Variants in COMMD10 observed in about 807,000 individuals in gnomAD.
COMMD10 encodes the protein COMM domain-containing protein 10.
A neutral mutation model predicts 28.9 loss-of-function variants in COMMD10; 33 were observed. The ratio of observed to expected loss-of-function variants is 1.14; its 90% CI spans 0.87 to 1.53. COMMD10 has a LOEUF of 1.53. Among genes scored for constraint, COMMD10 ranks in the 40% most tolerant of loss-of-function variants. The probability of loss-of-function intolerance (pLI) is 0.00; values close to 1 mark genes in which losing one functional copy is unlikely to be tolerated. For missense variants in COMMD10, 310 were observed against 233.4 expected (o/e 1.33, Z -2.14); for synonymous variants, 110 against 81.7 (o/e 1.35, Z -1.87).
Position 116,140,231 on chromosome 5 carries a change from A to ATGTGTGTGTGTGTGTGTGTGTGTGTG in COMMD10, c.510+6078_510+6079insGTGTGTGTGTGTGTGTGTGTGTGTGT, listed in dbSNP as rs3072964. ...TTTTTCAAGGCTGACTCATACTACT[A>ATGTGTGTGTGTGTGTGTGTGTGTGTG]TGTGTGTGTGTGTGTGTGTGTGTGT... is the stretch of plus-strand genomic sequence containing the variant. On this transcript the variant is annotated intron_variant, in intron 5 of 6. Transcript: ENST00000274458. Among the ~76,000 whole-genome samples the ATGTGTGTGTGTGTGTGTGTGTGTGTG allele has an allele frequency of 5.0e-3, 731 of 147,058 alleles. 13 individuals are homozygous for ATGTGTGTGTGTGTGTGTGTGTGTGTG. The highest frequency in any genetic ancestry group is 0.017 in the African/African-American group (692 of 39,708).
intron 5 of COMMD10, among the ~76,000 whole-genome samples, chr5:116,269,315 G>A (rs1398058275): frequency 6.6e-6 from 1 of 151,838 alleles, no homozygotes; most frequent in Non-Finnish European, 1.5e-5. Context: ...TAAGGGGAAA[G>A]CTAATCCACT....
chr5:116,143,276 A>G (rs891454679), intron 5 of COMMD10, among the ~76,000 whole-genome samples: 1 of 151,642 alleles, frequency 6.6e-6, no homozygotes, highest in African/African-American at 2.4e-5. Flanking sequence ...ATAAGATTTT[A>G]TAAGCTAACA....
At chr5:116,232,187 A>G (rs1365226746) in intron 5 of COMMD10, among the ~76,000 whole-genome samples, 2 of 152,118 alleles carry the variant, frequency 1.3e-5, no homozygotes, top group Non-Finnish European at 2.9e-5. Context: ...ATTTGGGTTT[A>G]TTGTTTATCC....
In COMMD10 at chr5:116,174,665, A is replaced by G. The variant is rs1206909829; in HGVS notation, c.510+40487A>G. ...TTGTTGGTTAGATACAAAGTGTGAGATAAAGTGAGTCATTAAAGATAACCC... is the reference window on the plus strand; with the variant it reads ...TTGTTGGTTAGATACAAAGTGTGAGGTAAAGTGAGTCATTAAAGATAACCC... On this transcript the variant is annotated intron_variant, in intron 5 of 6. Coordinates refer to ENST00000274458, the MANE Select transcript of COMMD10 (RefSeq NM_016144.4). 2.6e-5 allele frequency among the ~76,000 whole-genome samples: 4 copies of G among 152,276 alleles called. No homozygotes were observed. The East Asian group carries it at 7.8e-4, about 30-fold the overall frequency.
Position 116,292,638 on chromosome 5 carries a change from A to T in COMMD10, c.*149A>T, listed in dbSNP as rs1751399715. 1 of 513,084 alleles carries T rather than the reference A, an allele frequency of 1.9e-6. No individual in the cohort carries two copies. Among genetic ancestry groups the T allele is most frequent in the Non-Finnish European group, 3.4e-6 (1 of 294,228 alleles). The allele number at this position is 513,084 out of a possible 1,614,324, so 31.8% of individuals were successfully genotyped here. The stretch of plus-strand genomic sequence containing the variant: ...ATCACTTCTTAGACAAATAACAACC[A>T]ATAGAGATCATTGTTAAGAATACTG... On this transcript the variant is annotated 3_prime_UTR_variant, in exon 7 of 7. Coordinates refer to ENST00000274458, the MANE Select transcript of COMMD10 (RefSeq NM_016144.4).
chr5:116,095,601 A>T (rs186978689), intron 4 of COMMD10, among the ~76,000 whole-genome samples: 33 of 152,112 alleles, frequency 2.2e-4, no homozygotes, highest in Admixed American at 1.5e-3. Context: ...TCTTAACAGT[A>T]TCTTTCCCAG....
At chr5:116,181,644 A>T (rs886870310) in intron 5 of COMMD10, among the ~76,000 whole-genome samples, 1 of 151,904 alleles carries the variant, frequency 6.6e-6, no homozygotes, top group East Asian at 1.9e-4. Flanking sequence ...AATGTGCAGG[A>T]TGCTTCTGGT....
chr5:116,170,760 T>A (rs1391091903), intron 5 of COMMD10, among the ~76,000 whole-genome samples: 2 of 152,332 alleles, frequency 1.3e-5, no homozygotes, highest in East Asian at 3.9e-4. Context: ...TAATAAATTA[T>A]GTTAGGAAAA....
At chr5:116,185,403 G>C (rs1748104374) in intron 5 of COMMD10, among the ~76,000 whole-genome samples, 1 of 152,104 alleles carries the variant, frequency 6.6e-6, no homozygotes, top group South Asian at 2.1e-4. Flanking sequence ...TTCTGTGCAA[G>C]ATATTGATTG....
chr5:116,214,723 A>T (rs1749054886), intron 5 of COMMD10, among the ~76,000 whole-genome samples: 1 of 151,998 alleles, frequency 6.6e-6, no homozygotes, highest in Admixed American at 6.6e-5. Flanking sequence ...TTATGGCCTC[A>T]ATTTTGGGAC....
chr5:116,208,908 A>T (rs1403449852), intron 5 of COMMD10, among the ~76,000 whole-genome samples: 1 of 152,168 alleles, frequency 6.6e-6, no homozygotes, highest in African/African-American at 2.4e-5. Flanking sequence ...CTGTTTATCC[A>T]TTGTAATTAT....
chr5:116,124,702 C>CT (rs1230243659), intron 4 of COMMD10, among the ~76,000 whole-genome samples: 4 of 152,226 alleles, frequency 2.6e-5, no homozygotes, highest in Admixed American at 1.3e-4. Flanking sequence ...GTATGGGAGT[C>CT]TAAGTCTCTT....
intron 5 of COMMD10, among the ~76,000 whole-genome samples, chr5:116,214,226 G>A (rs1009449468): frequency 5.9e-5 from 9 of 152,024 alleles, no homozygotes; most frequent in South Asian, 2.1e-4. Context: ...AATGAACAAG[G>A]GAAGAAATAG....
intron 5 of COMMD10, among the ~76,000 whole-genome samples, chr5:116,275,642 C>T (rs954824091): frequency 1.3e-5 from 2 of 151,756 alleles, no homozygotes; most frequent in African/African-American, 4.9e-5. Context: ...GTCTCAATAT[C>T]CATAAAATAC....
chr5:116,094,009 T>TA lies in COMMD10; in HGVS notation c.399+1315dup, dbSNP rs1438627511. On this transcript the variant is annotated intron_variant, in intron 4 of 6. Transcript: ENST00000274458. The stretch of plus-strand genomic sequence containing the variant: ...GTAATGGCCCTTCTCTCTCACCATG[T>TA]AAAAAATCAACTCAAAATTGATTAA... Among the ~76,000 whole-genome samples the TA allele has an allele frequency of 8.5e-5, 13 of 152,190 alleles. No individual in the cohort carries two copies. In the East Asian group the frequency reaches 9.7e-4, roughly 11 times the overall value.
chr5:116,212,085 T>C (rs2112634614), intron 5 of COMMD10, among the ~76,000 whole-genome samples: 1 of 152,288 alleles, frequency 6.6e-6, no homozygotes, highest in East Asian at 1.9e-4. Context: ...ATCTGTATTT[T>C]AATTCTTAAT....
At chr5:116,179,814 T>C (rs970143296) in intron 5 of COMMD10, among the ~76,000 whole-genome samples, 2 of 151,962 alleles carry the variant, frequency 1.3e-5, no homozygotes, top group East Asian at 1.9e-4. Flanking sequence ...TGAAGTAATA[T>C]TGAGGCAGGA....
chr5:116,263,757 G>T (rs145966362), intron 5 of COMMD10, among the ~76,000 whole-genome samples: 1 of 151,644 alleles, frequency 6.6e-6, no homozygotes, highest in Non-Finnish European at 1.5e-5. Flanking sequence ...AGCTCCCCGC[G>T]CCCCTACTTT....
chr5:116,160,683 A>G (rs933028025), intron 5 of COMMD10, among the ~76,000 whole-genome samples: 1 of 152,198 alleles, frequency 6.6e-6, no homozygotes, highest in Non-Finnish European at 1.5e-5. Flanking sequence ...AAACTTCTTT[A>G]TTTTTAAAGC....
Sources: allele counts gnomAD v4.1 joint callset (sites outside exome capture counted in the v4.1 genomes callset), GRCh38; gene constraint gnomAD v4.1.1; transcripts MANE v1.5; gene names NCBI Gene and HGNC (gene_info 2026-07-23, HGNC 2026-07-21).